HOXA1: variants seen among roughly 807,000 people sequenced by gnomAD.
HOXA1 encodes the protein homeobox protein Hox-A1.
A neutral mutation model predicts 28.3 loss-of-function variants in HOXA1; 21 were observed. That is an observed-to-expected ratio of 0.74 (90% CI 0.53 to 1.07). The LOEUF is 1.07. Among genes scored for constraint, HOXA1 ranks in the 50% least tolerant of loss-of-function variants. HOXA1 has a pLI of 0.00. For synonymous variants in HOXA1, 208 were observed against 181.2 expected, an observed-to-expected ratio of 1.15 and a Z score of -1.19; for missense variants, 446 against 434.3, an observed-to-expected ratio of 1.03 and a Z score of -0.24.
intron 1 of HOXA1, 53 bp from the exon 2 acceptor site, chr7:27,094,848 C>A: frequency 7.5e-7 from 1 of 1,324,700 alleles, no homozygotes; most frequent in South Asian, 1.2e-5. Flanking sequence ...TTTAAATCGA[C>A]TTGAGATTCC....
rs1297926178 is a variant in HOXA1, at chr7:27,095,613, G to T, written c.300C>A (p.Gly100=). The change falls in exon 1 of 2, where the codon GGC becomes GGA. Residue 100 remains glycine (G), a synonymous_variant. Coordinates refer to ENST00000643460, the MANE Select transcript of HOXA1 (RefSeq NM_005522.5). ...TGTAAGGCGCACTGAAGTTCTGTGA[G>T]CCATAGCTTGGACCACAACTTGAGT... ...YSHSSCGPSY[G]SQNFSAPYSP... is the part of the protein sequence containing the mutation. 6 of 1,614,150 alleles carry T rather than the reference G, an allele frequency of 3.7e-6. No homozygotes were observed. Among genetic ancestry groups the T allele is most frequent in the Non-Finnish European group, 5.1e-6 (6 of 1,180,034 alleles).
chr7:27,095,902 G>A lies in HOXA1; in HGVS notation c.11C>T (p.Ala4Val). 1.2e-6 allele frequency: 2 copies of A among 1,613,484 alleles called. No individual in the cohort carries two copies. Among genetic ancestry groups the A allele is most frequent in the Non-Finnish European group, 1.7e-6 (2 of 1,179,982 alleles). Reference sequence around the variant, plus strand: ...GTATTCCAGGAAGGAGTTCATTCTTGCATTGTCCATCTGTCACTGAGTGAC... The same window carrying A: ...GTATTCCAGGAAGGAGTTCATTCTTACATTGTCCATCTGTCACTGAGTGAC... MDN[A>V]RMNSFLEYPI... The change falls in exon 1 of 2, where the codon GCA (alanine) becomes GTA (valine). Residue 4 changes from alanine to valine, a missense_variant. By Grantham distance (64) the Ala-to-Val change is moderately conservative. Coordinates refer to ENST00000643460, the MANE Select transcript of HOXA1 (RefSeq NM_005522.5).
chr7:27,093,620 T>A lies in HOXA1; in HGVS notation c.*820A>T, dbSNP rs1336175696. 6.6e-6 allele frequency: 1 copy of A among 152,540 alleles called. No homozygotes were observed. The highest frequency in any genetic ancestry group is 6.5e-5 in the Admixed American group (1 of 15,282). The allele number at this position is 152,540 out of a possible 1,614,324, so 9.4% of individuals were successfully genotyped here. Reference sequence around the variant, plus strand: ...GGAAGGAAGAAATTGGTTTGAATAATACTTTTAGGTTCTGAATAACCCAGC... The same window carrying A: ...GGAAGGAAGAAATTGGTTTGAATAAAACTTTTAGGTTCTGAATAACCCAGC... On this transcript the variant is annotated 3_prime_UTR_variant, in exon 2 of 2. Transcript: ENST00000643460.
Position 27,095,620 on chromosome 7 carries a change from C to G in HOXA1, c.293G>C (p.Ser98Thr), listed in dbSNP as rs772358886. Residue 98 changes from serine to threonine, a missense_variant, in exon 1 of 2, where the codon AGC becomes ACC. Ser to Thr is a moderately conservative substitution (Grantham distance 58, BLOSUM62 1). Coordinates refer to ENST00000643460, the MANE Select transcript of HOXA1 (RefSeq NM_005522.5). ...CGCACTGAAGTTCTGTGAGCCATAG[C>G]TTGGACCACAACTTGAGTGGGAGTA... is the stretch of plus-strand genomic sequence containing the variant. ...VSYSHSSCGP[S>T]YGSQNFSAPY... 1.2e-6 allele frequency: 2 copies of G among 1,614,000 alleles called. No individual in the cohort carries two copies. Among genetic ancestry groups the G allele is most frequent in the Non-Finnish European group, 1.7e-6 (2 of 1,180,040 alleles).
Position 27,094,335 on chromosome 7 carries a change from A to G in HOXA1, c.*105T>C. 1 of 833,824 alleles carries G rather than the reference A, an allele frequency of 1.2e-6. No homozygotes were observed. Among genetic ancestry groups the G allele is most frequent in the Non-Finnish European group, 2.1e-6 (1 of 486,252 alleles). The allele number at this position is 833,824 out of a possible 1,614,324, so 51.7% of individuals were successfully genotyped here. On this transcript the variant is annotated 3_prime_UTR_variant, in exon 2 of 2. Coordinates refer to ENST00000643460, the MANE Select transcript of HOXA1 (RefSeq NM_005522.5). ...GCTCCCCAGATAGGATTAGAAAGGA[A>G]GAAAGAGACTGTAAATGGAAAGAAA...
Position 27,095,706 on chromosome 7 carries a change from G to A in HOXA1, c.207C>T (p.His69=), listed in dbSNP as rs577426612. 971 of 1,605,770 alleles carry A rather than the reference G, an allele frequency of 6.0e-4. 6 individuals carry two copies. In the East Asian group the frequency reaches 0.014, roughly 23 times the overall value. Reference sequence around the variant, plus strand: ...CCGGCTGGGGGTGGCGATGGTGGTGGTGGTGGTGGTGGTGGGGCGAACCGA... The same window carrying A: ...CCGGCTGGGGGTGGCGATGGTGGTGATGGTGGTGGTGGTGGGGCGAACCGA... ...VQIGSPHHHH[H]HHHRHPQPAT... The change falls in exon 1 of 2, where the codon CAC becomes CAT. Residue 69 remains histidine, a synonymous_variant. Transcript: ENST00000643460.
At position 27,094,468 on chromosome 7, in the gene HOXA1, G is replaced by A. The variant is rs145746454; in HGVS notation, c.980C>T (p.Thr327Ile). 3 of 1,614,030 alleles carry A rather than the reference G, an allele frequency of 1.9e-6. No homozygotes were observed. In the African/African-American group the frequency reaches 4.0e-5, roughly 22 times the overall value. The change falls in exon 2 of 2, where the codon ACC becomes ATC. Residue 327 changes from threonine to isoleucine, a missense_variant. Thr to Ile is a moderately conservative substitution (Grantham distance 89). Coordinates refer to ENST00000643460, the MANE Select transcript of HOXA1 (RefSeq NM_005522.5). The stretch of plus-strand genomic sequence containing the variant: ...GTGGGAGGTAGTCAGAGTGTCTGAG[G>A]TAGAAGACCCCGGGGAAGGAACGCA... ...SPCVPSPGSS[T>I]SDTLTTSH
Position 27,095,480 on chromosome 7 carries a change from G to T in HOXA1, c.433C>A (p.His145Asn). ...GCGCCCCCAGCATAACCCTGGTGGT[G>T]GTGGTGATGCTGGACCATGGGAGAT... is the stretch of plus-strand genomic sequence containing the variant. ...LSSPMVQHHH[H>N]HQGYAGGAVG... Residue 145 changes from histidine to asparagine, a missense_variant, in exon 1 of 2, where the codon CAC becomes AAC. His to Asn is a moderately conservative substitution (Grantham distance 68). Transcript: ENST00000643460. 1 of 1,614,142 alleles carries T rather than the reference G, an allele frequency of 6.2e-7. No homozygotes were observed. Among genetic ancestry groups the T allele is most frequent in the African/African-American group, 1.3e-5 (1 of 75,040 alleles).
In HOXA1 at chr7:27,095,885, G is replaced by C. The variant is rs370355386; in HGVS notation, c.28C>G (p.Leu10Val). 10 of 1,613,776 alleles carry C rather than the reference G, an allele frequency of 6.2e-6. No individual in the cohort carries two copies. The highest frequency in any genetic ancestry group is 8.5e-6 in the Non-Finnish European group (10 of 1,180,022). Residue 10 changes from leucine to valine, a missense_variant, in exon 1 of 2, where the codon CTG becomes GTG. Coordinates refer to ENST00000643460, the MANE Select transcript of HOXA1 (RefSeq NM_005522.5). ...CCACTGCTAAGTATGGGGTATTCCA[G>C]GAAGGAGTTCATTCTTGCATTGTCC... is the stretch of plus-strand genomic sequence containing the variant. MDNARMNSF[L>V]EYPILSSGDS... is the part of the protein sequence containing the mutation.
Position 27,094,293 on chromosome 7 carries a change from T to C in HOXA1, c.*147A>G. On this transcript the variant is annotated 3_prime_UTR_variant, in exon 2 of 2. Coordinates refer to ENST00000643460, the MANE Select transcript of HOXA1 (RefSeq NM_005522.5). The stretch of plus-strand genomic sequence containing the variant: ...TCTGGTCCAGAATTATCTGCAAATA[T>C]ATTATCCTGGCCAGGAGCTCCCCAG... 1.5e-6 allele frequency: 1 copy of C among 668,710 alleles called. No individual in the cohort carries two copies. Among genetic ancestry groups the C allele is most frequent in the Non-Finnish European group, 2.7e-6 (1 of 376,170 alleles). The allele number at this position is 668,710 out of a possible 1,614,324, so 41.4% of individuals were successfully genotyped here. A position where few individuals can be genotyped will look rare whatever the true frequency, so the allele number is the denominator to read the frequency against.
At position 27,095,784 on chromosome 7, in the gene HOXA1, G is replaced by A. The variant is rs1188718334; in HGVS notation, c.129C>T (p.Ser43=). The change falls in exon 1 of 2, where the codon AGC becomes AGT. Residue 43 remains serine (S), a synonymous_variant. Coordinates refer to ENST00000643460, the MANE Select transcript of HOXA1 (RefSeq NM_005522.5). Reference sequence around the variant, plus strand: ...GGTCGTCGCCGCCGCAACTGTTGGCGCTGACCGCGCACGACTGGAAAGTTG... The same window carrying A: ...GGTCGTCGCCGCCGCAACTGTTGGCACTGACCGCGCACGACTGGAAAGTTG... ...RITTFQSCAV[S]ANSCGGDDRF... The A allele has an allele frequency of 1.9e-6, 3 of 1,613,448 alleles. No individual in the cohort carries two copies. The highest frequency in any genetic ancestry group is 1.1e-5 in the South Asian group (1 of 91,080).
chr7:27,094,267 C>G lies in HOXA1; in HGVS notation c.*173G>C. 3.2e-6 allele frequency: 2 copies of G among 616,478 alleles called. No homozygotes were observed. Among genetic ancestry groups the G allele is most frequent in the Non-Finnish European group, 5.8e-6 (2 of 347,038 alleles). The allele number at this position is 616,478 out of a possible 1,614,324, so 38.2% of individuals were successfully genotyped here. A position where few individuals can be genotyped will look rare whatever the true frequency, so the allele number is the denominator to read the frequency against. ...TGAAGGTGTTAACCCCGCACCAAGT[C>G]TCTGGTCCAGAATTATCTGCAAATA... On this transcript the variant is annotated 3_prime_UTR_variant, in exon 2 of 2. Transcript: ENST00000643460.
chr7:27,095,534 C>T lies in HOXA1; in HGVS notation c.379G>A (p.Ala127Thr), dbSNP rs761181029. ...ADVSGGYPQC[A>T]PAVYSGNLSS... is the part of the protein sequence containing the mutation. ...AGATTTCCAGAGTAAACAGCGGGAG[C>T]GCACTGGGGGTACCCACCACTTACG... Residue 127 changes from alanine to threonine, a missense_variant, in exon 1 of 2, where the codon GCT becomes ACT. Physicochemically the swap from Ala to Thr is moderately conservative, Grantham distance 58. Transcript: ENST00000643460. 1.2e-6 allele frequency: 2 copies of T among 1,614,084 alleles called. No individual in the cohort carries two copies. The highest frequency in any genetic ancestry group is 1.7e-6 in the Non-Finnish European group (2 of 1,180,018).
rs769152039 is a variant in HOXA1, at chr7:27,095,737, A to AC, written c.175dup (p.Val59GlyfsTer119). 3 of 1,611,360 alleles carry AC rather than the reference A, an allele frequency of 1.9e-6. No individual in the cohort carries two copies. Among genetic ancestry groups the AC allele is most frequent in the Middle Eastern group, 3.4e-4 (2 of 5,934 alleles). On this transcript the variant is annotated frameshift_variant, in exon 1 of 2. Transcript: ENST00000643460. LOFTEE classifies it high-confidence loss of function. The stretch of plus-strand genomic sequence containing the variant: ...GTGGTGGTGGGGCGAACCGATCTGC[A>AC]CCCCCCTGCCCACTAGGAAGCGGTC...
chr7:27,095,798 A>C lies in HOXA1; in HGVS notation c.115T>G (p.Ser39Ala). 6.2e-7 allele frequency: 1 copy of C among 1,613,738 alleles called. No homozygotes were observed. The highest frequency in any genetic ancestry group is 1.7e-4 in the Middle Eastern group (1 of 6,060). The change falls in exon 1 of 2, where the codon TCG (serine) becomes GCG (alanine). Residue 39 changes from serine to alanine, a missense_variant. Coordinates refer to ENST00000643460, the MANE Select transcript of HOXA1 (RefSeq NM_005522.5). ...CAACTGTTGGCGCTGACCGCGCACG[A>C]CTGGAAAGTTGTAATCCTATGGTCC... ...PSDHRITTFQ[S>A]CAVSANSCGG... is the part of the protein sequence containing the mutation.
Position 27,094,436 on chromosome 7 carries a change from C to G in HOXA1, c.*4G>C. The G allele has an allele frequency of 6.2e-7, 1 of 1,604,538 alleles. No homozygotes were observed. Among genetic ancestry groups the G allele is most frequent in the South Asian group, 1.1e-5 (1 of 90,886 alleles). On this transcript the variant is annotated 3_prime_UTR_variant, in exon 2 of 2. Coordinates refer to ENST00000643460, the MANE Select transcript of HOXA1 (RefSeq NM_005522.5). ...CTGGGCTGTTGTCTGGGGCTGGAGC[C>G]GCCTCAGTGGGAGGTAGTCAGAGTG...
In HOXA1 at chr7:27,095,695, C is replaced by CGATGGT; in HGVS notation, c.212_217dup (p.His71_His72dup). On this transcript the variant is annotated inframe_insertion, in exon 1 of 2. Coordinates refer to ENST00000643460, the MANE Select transcript of HOXA1 (RefSeq NM_005522.5). ...CTGGTAGGTAGCCGGCTGGGGGTGGCGATGGTGGTGGTGGTGGTGGTGGTG... is the reference window on the plus strand; with the variant it reads ...CTGGTAGGTAGCCGGCTGGGGGTGGCGATGGTGATGGTGGTGGTGGTGGTGGTGGTG... 1 of 1,555,974 alleles carries CGATGGT rather than the reference C, an allele frequency of 6.4e-7. No individual in the cohort carries two copies. The highest frequency in any genetic ancestry group is 8.8e-7 in the Non-Finnish European group (1 of 1,134,074).
Position 27,094,771 on chromosome 7 carries a change from A to G in HOXA1, c.677T>C (p.Leu226Pro). Residue 226 changes from leucine to proline, a missense_variant, in exon 2 of 2, where the codon CTG becomes CCG. Coordinates refer to ENST00000643460, the MANE Select transcript of HOXA1 (RefSeq NM_005522.5). The part of the protein sequence containing the change: ...KTGKVGEYGY[L>P]GQPNAVRTNF... ...GGTGCGCACCGCGTTGGGTTGACCC[A>G]GGTAGCCGTACTCTCCAACTTTCCC... The G allele has an allele frequency of 6.2e-7, 1 of 1,614,082 alleles. No individual in the cohort carries two copies. Among genetic ancestry groups the G allele is most frequent in the East Asian group, 2.2e-5 (1 of 44,846 alleles).
rs1454172000 is a variant in HOXA1, at chr7:27,095,877, G to C, written c.36C>G (p.Tyr12Ter). Residue 12 changes from tyrosine (Y) to a stop codon, truncating the protein, a stop_gained, in exon 1 of 2, where the codon TAC (tyrosine) becomes TAG (stop). Transcript: ENST00000643460. LOFTEE classifies it high-confidence loss of function. ...CCGAGTCGCCACTGCTAAGTATGGGGTATTCCAGGAAGGAGTTCATTCTTG... is the reference window on the plus strand; with the variant it reads ...CCGAGTCGCCACTGCTAAGTATGGGCTATTCCAGGAAGGAGTTCATTCTTG... ...DNARMNSFLE[Y>*]PILSSGDSGT... 6.2e-7 allele frequency: 1 copy of C among 1,613,842 alleles called. No homozygotes were observed. The highest frequency in any genetic ancestry group is 8.5e-7 in the Non-Finnish European group (1 of 1,180,012).
Sources: allele counts gnomAD v4.1 joint callset, GRCh38; gene constraint gnomAD v4.1.1; transcripts MANE v1.5; gene names NCBI Gene and HGNC (gene_info 2026-07-23, HGNC 2026-07-21).